WDTC1: variants seen among roughly 807,000 people sequenced by gnomAD.
The protein encoded by WDTC1 is WD and tetratricopeptide repeats protein 1.
Under a neutral mutation model 76.0 loss-of-function variants are expected in WDTC1, and 12 were observed. The ratio of observed to expected loss-of-function variants is 0.16; its 90% confidence interval spans 0.10 to 0.26. WDTC1 has a LOEUF of 0.26. WDTC1 is among the 10% of genes least tolerant of loss of function. The pLI is 1.00. For synonymous variants in WDTC1, 326 were observed against 350.8 expected (o/e 0.93, Z 0.79); for missense variants, 511 against 908.8 (o/e 0.56, Z 5.63).
rs1385207863 is a variant in WDTC1 at position 27,292,849 on chromosome 1, C to T, written c.662+452C>T. Among the ~76,000 whole-genome samples, 6 of 148,134 alleles carry T rather than the reference C, an allele frequency of 4.1e-5. No homozygotes were observed. In the South Asian group the frequency reaches 6.5e-4, roughly 16 times the overall value. On this transcript the variant is annotated intron_variant, in intron 7 of 15. Transcript: ENST00000319394. ...CAATCTCAGCTCACTGCAACCTCTG[C>T]CTCCCGGGTTCAAGCTGTTGTCCTG...
Position 27,277,178 on chromosome 1 carries a change from G to A in WDTC1, c.133-5061G>A, listed in dbSNP as rs373375133. On this transcript the variant is annotated intron_variant, in intron 3 of 15. Coordinates refer to ENST00000319394, the MANE Select transcript of WDTC1 (RefSeq NM_001276252.2). ...CTCTTGAGTAGCTGGGACTGCAGGCGCACACCACCATGCCCAACTAAACTT... is the reference window on the plus strand; with the variant it reads ...CTCTTGAGTAGCTGGGACTGCAGGCACACACCACCATGCCCAACTAAACTT... Among the ~76,000 whole-genome samples the A allele has an allele frequency of 9.2e-5, 14 of 152,050 alleles. No homozygotes were observed. In the East Asian group the frequency reaches 1.7e-3, roughly 19 times the overall value.
chr1:27,245,178 A>G (rs1469043367), intron 1 of WDTC1, among the ~76,000 whole-genome samples: 1 of 151,798 alleles, frequency 6.6e-6, no homozygotes, highest in Non-Finnish European at 1.5e-5. Context: ...GTACATGAAT[A>G]TTCATAGCAG....
chr1:27,284,605 G>T (rs1336674757), intron 5 of WDTC1, among the ~76,000 whole-genome samples: 1 of 152,128 alleles, frequency 6.6e-6, no homozygotes, highest in Non-Finnish European at 1.5e-5. Flanking sequence ...ATTTTAGTCT[G>T]CACAGTCAGG....
At chr1:27,281,919 A>G (rs2013202768) in intron 3 of WDTC1, among the ~76,000 whole-genome samples, 1 of 152,106 alleles carries the variant, frequency 6.6e-6, no homozygotes. Flanking sequence ...TCTAATGGTA[A>G]AAGCAGAAAT....
chr1:27,273,205 T>C (rs1288228730), intron 3 of WDTC1, among the ~76,000 whole-genome samples: 9 of 88,896 alleles, frequency 1.0e-4, no homozygotes, highest in African/African-American at 3.1e-4. Context: ...CTTTTTCTTT[T>C]CTTTTTTTTT....
At chr1:27,257,820 T>C (rs1368344648) in intron 1 of WDTC1, among the ~76,000 whole-genome samples, 1 of 152,080 alleles carries the variant, frequency 6.6e-6, no homozygotes, top group African/African-American at 2.4e-5. Flanking sequence ...AGACAGAGTC[T>C]TGCTCTGTCA....
At chr1:27,281,507 GATTGA>G (rs2013191148) in intron 3 of WDTC1, among the ~76,000 whole-genome samples, 1 of 151,912 alleles carries the variant, frequency 6.6e-6, no homozygotes, top group African/African-American at 2.4e-5. Flanking sequence ...GCTGTCCTTG[GATTGA>G]ATGTTTCCTG....
chr1:27,296,977 A>G, intron 10 of WDTC1, 71 bp from the exon 11 acceptor site: 1 of 1,353,350 alleles, frequency 7.4e-7, no homozygotes. Flanking sequence ...GATGGAAGCT[A>G]GAGGGCTGCC....
intron 6 of WDTC1, among the ~76,000 whole-genome samples, chr1:27,288,892 A>G (rs866009257): frequency 2.0e-5 from 3 of 150,850 alleles, no homozygotes; most frequent in South Asian, 4.2e-4. Context: ...GGTGGTGGCC[A>G]GGCAGAGGGG....
chr1:27,306,262 A>G lies in WDTC1; in HGVS notation c.1913A>G (p.Asp638Gly). Residue 638 changes from aspartate to glycine, a missense_variant, in exon 16 of 16, where the codon GAC becomes GGC. Asp to Gly is a moderately conservative substitution (Grantham distance 94). Transcript: ENST00000319394. The surrounding 1 kb of genome is among the most constrained non-coding windows in gnomAD (Gnocchi z 5.0). ...GCCAACCAGCGGCGCATGAATGCAG[A>G]CCCGTTGGAGGTGATGCTGCTCAAC... ...SQANQRRMNA[D>G]PLEVMLLNMG... is the part of the protein sequence containing the mutation. 1 of 1,614,036 alleles carries G rather than the reference A, an allele frequency of 6.2e-7. No homozygotes were observed. The highest frequency in any genetic ancestry group is 1.1e-5 in the South Asian group (1 of 91,076).
chr1:27,282,447 A>G (rs1471936050), intron 4 of WDTC1, among the ~76,000 whole-genome samples, 162 bp downstream of exon 4: 1 of 152,132 alleles, frequency 6.6e-6, no homozygotes, highest in Non-Finnish European at 1.5e-5. Context: ...TTTCAACACA[A>G]TTAAACAATC....
Position 27,297,996 on chromosome 1 carries a change from T to C in WDTC1, c.1117T>C (p.Phe373Leu). Residue 373 changes from phenylalanine (F) to leucine (L), a missense_variant, in exon 12 of 16, where the codon TTT becomes CTT. Physicochemically the swap from Phe to Leu is conservative, Grantham distance 22. Transcript: ENST00000319394. ...ERVKQQANEA[F>L]ACQQWTQAIQ... is the part of the protein sequence containing the mutation. ...TGTGAAACAGCAAGCCAATGAGGCT[T>C]TTGCCTGCCAGCAGTGGACCCAAGC... 1 of 1,614,084 alleles carries C rather than the reference T, an allele frequency of 6.2e-7. No individual in the cohort carries two copies. Among genetic ancestry groups the C allele is most frequent in the Non-Finnish European group, 8.5e-7 (1 of 1,179,948 alleles).
At chr1:27,265,778 T>C (rs2012642900) in intron 3 of WDTC1, among the ~76,000 whole-genome samples, 1 of 151,970 alleles carries the variant, frequency 6.6e-6, no homozygotes, top group Non-Finnish European at 1.5e-5. Context: ...AAAGCCCATC[T>C]CTACAAAAAA....
intron 1 of WDTC1, among the ~76,000 whole-genome samples, chr1:27,235,679 T>A (rs1196519388): frequency 6.6e-6 from 1 of 152,046 alleles, no homozygotes; most frequent in Non-Finnish European, 1.5e-5. Flanking sequence ...TTGACTTTGC[T>A]TGGTGGCTTG....
chr1:27,277,001 G>T (rs1375779528), intron 3 of WDTC1, among the ~76,000 whole-genome samples: 4 of 149,016 alleles, frequency 2.7e-5, no homozygotes, highest in African/African-American at 9.9e-5. Flanking sequence ...TTGCATAAAA[G>T]TTTTAATTTT....
intron 5 of WDTC1, among the ~76,000 whole-genome samples, chr1:27,284,217 T>C (rs1389631626): frequency 6.6e-6 from 1 of 152,092 alleles, no homozygotes; most frequent in East Asian, 1.9e-4. Flanking sequence ...AAATGTAGAA[T>C]GGGCCCCTGG....
intron 1 of WDTC1, among the ~76,000 whole-genome samples, chr1:27,250,047 G>C (rs2011985023): frequency 6.6e-6 from 1 of 152,118 alleles, no homozygotes; most frequent in East Asian, 1.9e-4. Flanking sequence ...TCTCTGGTAG[G>C]GAAATTGGGG....
Position 27,274,617 on chromosome 1 carries a change from C to A in WDTC1, c.133-7622C>A, listed in dbSNP as rs2012969064. Among the ~76,000 whole-genome samples, 1 of 152,192 alleles carries A rather than the reference C, an allele frequency of 6.6e-6. No individual in the cohort carries two copies. The highest frequency in any genetic ancestry group is 1.5e-5 in the Non-Finnish European group (1 of 68,040). On this transcript the variant is annotated intron_variant, in intron 3 of 15. Coordinates refer to ENST00000319394, the MANE Select transcript of WDTC1 (RefSeq NM_001276252.2). The surrounding 1 kb of genome is among the most constrained non-coding windows in gnomAD (Gnocchi z 4.2). ...TATATAAGACCCAATCAGTTTTCCA[C>A]TTTCCTTGGACATTTTTGCTGAGCA... is the stretch of plus-strand genomic sequence containing the variant.
In WDTC1 at chr1:27,306,282, C is replaced by T. The variant is rs1383113555; in HGVS notation, c.1933C>T (p.Leu645Phe). 1.9e-6 allele frequency: 3 copies of T among 1,613,982 alleles called. No homozygotes were observed. Among genetic ancestry groups the T allele is most frequent in the Admixed American group, 1.7e-5 (1 of 59,992 alleles). ...TGCAGACCCGTTGGAGGTGATGCTG[C>T]TCAACATGGGCTACCGGATCACGGG... is the stretch of plus-strand genomic sequence containing the variant. ...MNADPLEVMLLNMGYRITGLS... is the reference protein window; with the variant it reads ...MNADPLEVMLFNMGYRITGLS... The change falls in exon 16 of 16, where the codon CTC (leucine) becomes TTC (phenylalanine). Residue 645 changes from leucine to phenylalanine, a missense_variant. Leu to Phe is a conservative substitution (Grantham distance 22). Transcript: ENST00000319394. This position sits in a 1 kb window ranked among gnomAD's most constrained non-coding sequence, Gnocchi z 5.0.
Sources: allele counts gnomAD v4.1 joint callset (sites outside exome capture counted in the v4.1 genomes callset), GRCh38; gene constraint gnomAD v4.1.1; non-coding constraint Gnocchi (gnomAD v3.1); transcripts MANE v1.5; gene names NCBI Gene and HGNC (gene_info 2026-07-23, HGNC 2026-07-21).